Variants in SLCO4C1 observed in about 807,000 individuals in gnomAD.
SLCO4C1 encodes organic anion transporter M1.
SLCO4C1 carries 58 observed loss-of-function variants against 72.1 expected under a neutral mutation model. That is an observed-to-expected ratio of 0.80 (90% CI 0.65 to 1.00). The LOEUF is 1.00. Among genes scored for constraint, SLCO4C1 ranks in the 50% least tolerant of loss-of-function variants. SLCO4C1 has a pLI of 0.00. For missense variants in SLCO4C1, 898 were observed against 857.9 expected (o/e 1.05, Z -0.58); for synonymous variants, 297 against 312.5 (o/e 0.95, Z 0.52).
At chr5:102,265,266 G>A (rs1228113358) in intron 3 of SLCO4C1, among the ~76,000 whole-genome samples, 1 of 152,090 alleles carries the variant, frequency 6.6e-6, no homozygotes, top group African/African-American at 2.4e-5. Flanking sequence ...TGTTTTATAG[G>A]TTGTCTCTAC....
rs1404120634 is a variant in SLCO4C1 at position 102,263,008 on chromosome 5, C to T, written c.899+676G>A. Among the ~76,000 whole-genome samples the T allele has an allele frequency of 2.0e-5, 3 of 152,122 alleles. No individual in the cohort carries two copies. The South Asian group carries it at 6.2e-4, about 32-fold the overall frequency. On this transcript the variant is annotated intron_variant, in intron 4 of 12. Transcript: ENST00000310954. ...ATGACCTCAGTAAAGGCACAAATTT[C>T]TCTAATCAGGAAATGGAGAAGGTAA...
At chr5:102,241,852 GA>G (rs928253854) in intron 10 of SLCO4C1, among the ~76,000 whole-genome samples, 7 of 105,992 alleles carry the variant, frequency 6.6e-5, no homozygotes, top group African/African-American at 1.6e-4. Context: ...TATCTACACA[GA>G]AAAAAAAACA....
chr5:102,294,210 T>C (rs1052252527), intron 1 of SLCO4C1, among the ~76,000 whole-genome samples: 1 of 151,662 alleles, frequency 6.6e-6, no homozygotes, highest in African/African-American at 2.4e-5. Context: ...CGCCCGGCCA[T>C]AATTTTTTGT....
At position 102,234,852 on chromosome 5, in the gene SLCO4C1, CTGGCT is replaced by C. The variant is rs1379967997; in HGVS notation, c.*2001_*2005del. 9 of 152,166 alleles carry C rather than the reference CTGGCT, an allele frequency of 5.9e-5. No individual in the cohort carries two copies. Among genetic ancestry groups the C allele is most frequent in the South Asian group, 2.1e-4 (1 of 4,836 alleles). The allele number at this position is 152,166 out of a possible 1,614,324, so 9.4% of individuals were successfully genotyped here. On this transcript the variant is annotated 3_prime_UTR_variant, in exon 13 of 13. Transcript: ENST00000310954. ...ATAGGAAGCAGCATTTACAACGTGT[CTGGCT>C]TGGTGGGAGGAAGATTGTCAATTGA...
intron 1 of SLCO4C1, among the ~76,000 whole-genome samples, chr5:102,294,537 TA>T (rs570210628): frequency 3.9e-5 from 6 of 152,344 alleles, no homozygotes; most frequent in African/African-American, 1.4e-4. Flanking sequence ...AATTTTAAGA[TA>T]ATACACAAGA....
At chr5:102,282,992 C>T (rs985266132) in intron 2 of SLCO4C1, among the ~76,000 whole-genome samples, 4 of 151,938 alleles carry the variant, frequency 2.6e-5, no homozygotes, top group African/African-American at 9.6e-5. Flanking sequence ...TTTCAAATGG[C>T]AACTTGGCTA....
intron 2 of SLCO4C1, among the ~76,000 whole-genome samples, chr5:102,290,279 G>A (rs1372678945): frequency 6.6e-6 from 1 of 152,180 alleles, no homozygotes. Flanking sequence ...TCTAACTCCT[G>A]AGCTCAAGGG....
chr5:102,277,728 C>T (rs766732948), intron 2 of SLCO4C1, among the ~76,000 whole-genome samples: 21 of 150,312 alleles, frequency 1.4e-4, no homozygotes, highest in Non-Finnish European at 3.0e-4. Flanking sequence ...TCAAAGCCAT[C>T]AGAACAGCGT....
chr5:102,277,211 C>T (rs1042364433), intron 2 of SLCO4C1, among the ~76,000 whole-genome samples: 1 of 152,034 alleles, frequency 6.6e-6, no homozygotes, highest in Non-Finnish European at 1.5e-5. Context: ...TAGTCAAATA[C>T]CACAGAGAAA....
chr5:102,246,153 T>TTA (rs1748632005), intron 10 of SLCO4C1, among the ~76,000 whole-genome samples: 1 of 151,404 alleles, frequency 6.6e-6, no homozygotes, highest in African/African-American at 2.4e-5. Context: ...AAACCTAAAA[T>TTA]TAGTAGAAGA....
chr5:102,269,102 T>C (rs1005087840), intron 3 of SLCO4C1, among the ~76,000 whole-genome samples: 5 of 152,106 alleles, frequency 3.3e-5, no homozygotes, highest in African/African-American at 1.2e-4. Flanking sequence ...AGAATTATCT[T>C]TGTCTTTGAT....
At chr5:102,279,595 A>G (rs573314389) in intron 2 of SLCO4C1, among the ~76,000 whole-genome samples, 73 of 152,138 alleles carry the variant, frequency 4.8e-4, no homozygotes, top group Admixed American at 4.0e-3. Context: ...CACAAAAACT[A>G]CAAAGCCAAA....
intron 6 of SLCO4C1, among the ~76,000 whole-genome samples, chr5:102,259,726 A>G (rs1748900636): frequency 6.6e-6 from 1 of 152,148 alleles, no homozygotes; most frequent in Non-Finnish European, 1.5e-5. Context: ...CACAAAAGAA[A>G]AATATTGTTT....
In SLCO4C1 at chr5:102,249,732, C is replaced by G; in HGVS notation, c.1526G>C (p.Arg509Pro). 1 of 1,613,890 alleles carries G rather than the reference C, an allele frequency of 6.2e-7. No individual in the cohort carries two copies. Among genetic ancestry groups the G allele is most frequent in the Non-Finnish European group, 8.5e-7 (1 of 1,179,904 alleles). The change falls in exon 9 of 13, where the codon CGA (arginine) becomes CCA (proline). Residue 509 changes from arginine to proline, a missense_variant. Coordinates refer to ENST00000310954, the MANE Select transcript of SLCO4C1 (RefSeq NM_180991.5). ...TCCACAGACAGGATAATAATATGAT[C>G]GCGAACAGTTACAATTGGCATTACA... ...APCNANCNCSRSYYYPVCGDG... is the reference protein window; with the variant it reads ...APCNANCNCSPSYYYPVCGDG...
At chr5:102,268,774 G>A (rs1309553134) in intron 3 of SLCO4C1, among the ~76,000 whole-genome samples, 2 of 152,012 alleles carry the variant, frequency 1.3e-5, no homozygotes, top group Non-Finnish European at 2.9e-5. Context: ...TGTGTTCAGG[G>A]TGGTAATTAT....
At chr5:102,267,624 G>A (rs13357998) in intron 3 of SLCO4C1, among the ~76,000 whole-genome samples, 17,114 of 129,532 alleles carry the variant, frequency 0.13, 1,196 homozygotes, top group African/African-American at 0.18. Flanking sequence ...GTTTAGTTCT[G>A]TTATAGTCTT....
intron 8 of SLCO4C1, among the ~76,000 whole-genome samples, chr5:102,251,303 A>G (rs546737896): frequency 6.6e-6 from 1 of 152,332 alleles, no homozygotes; most frequent in Admixed American, 6.5e-5. Context: ...ATGAATTTGA[A>G]GAAAGGGGAC....
At chr5:102,276,788 T>C (rs1250937608) in intron 2 of SLCO4C1, among the ~76,000 whole-genome samples, 1 of 152,166 alleles carries the variant, frequency 6.6e-6, no homozygotes, top group African/African-American at 2.4e-5. Context: ...ATATTTACTA[T>C]GAAGAGATCA....
chr5:102,280,444 GA>G (rs989212064), intron 2 of SLCO4C1, among the ~76,000 whole-genome samples: 26 of 144,480 alleles, frequency 1.8e-4, no homozygotes, highest in Middle Eastern at 3.4e-3. Context: ...AAATACTGAT[GA>G]AAAAAATTAA....
Sources: allele counts gnomAD v4.1 joint callset (sites outside exome capture counted in the v4.1 genomes callset), GRCh38; gene constraint gnomAD v4.1.1; transcripts MANE v1.5; gene names NCBI Gene and HGNC (gene_info 2026-07-23, HGNC 2026-07-21).